MAD1L1: variants seen among roughly 807,000 people sequenced by gnomAD.
The protein encoded by MAD1L1 is mitotic spindle assembly checkpoint protein MAD1.
A neutral mutation model predicts 96.9 loss-of-function variants in MAD1L1; 95 were observed. The ratio of observed to expected loss-of-function variants is 0.98; its 90% confidence interval spans 0.83 to 1.16. The LOEUF is 1.16. MAD1L1 is among the 50% of genes most tolerant of loss of function. The pLI is 0.00. For synonymous variants in MAD1L1, 473 were observed against 396.6 expected, an observed-to-expected ratio of 1.19 and a Z score of -2.29; for missense variants, 1,007 against 954.4, an observed-to-expected ratio of 1.06 and a Z score of -0.73.
At chr7:2,037,520 C>T (rs1018378443) in intron 12 of MAD1L1, among the ~76,000 whole-genome samples, 1 of 152,218 alleles carries the variant, frequency 6.6e-6, no homozygotes, top group African/African-American at 2.4e-5. Context: ...GACATTGTAT[C>T]ACTATTATAT....
At chr7:2,060,151 A>G (rs574104816) in intron 12 of MAD1L1, among the ~76,000 whole-genome samples, 1 of 151,186 alleles carries the variant, frequency 6.6e-6, no homozygotes, top group South Asian at 2.1e-4. Flanking sequence ...AGATGCCAAG[A>G]TACGCCGAAG....
intron 16 of MAD1L1, 65 bp downstream of exon 16, chr7:1,957,564 T>C: frequency 1.3e-6 from 2 of 1,529,036 alleles, no homozygotes; most frequent in Admixed American, 3.5e-5. Context: ...ACCACGGTCG[T>C]TCACGACGCC....
At chr7:1,837,046 G>A (rs1562440546) in intron 18 of MAD1L1, among the ~76,000 whole-genome samples, 1 of 152,154 alleles carries the variant, frequency 6.6e-6, no homozygotes, top group African/African-American at 2.4e-5. Context: ...TATATAAGGA[G>A]AGAACACCAG....
chr7:2,137,925 C>T (rs988655944), intron 11 of MAD1L1, among the ~76,000 whole-genome samples: 4 of 152,166 alleles, frequency 2.6e-5, no homozygotes, highest in Non-Finnish European at 5.9e-5. Context: ...GTTTCTGTGC[C>T]GACGGTGCCA....
intron 12 of MAD1L1, among the ~76,000 whole-genome samples, chr7:2,037,496 C>T (rs527938785): frequency 1.6e-4 from 24 of 152,342 alleles, no homozygotes; most frequent in African/African-American, 5.8e-4. Flanking sequence ...TCTGGTAATC[C>T]TCATGGCGTT....
intron 11 of MAD1L1, among the ~76,000 whole-genome samples, chr7:2,124,673 G>C (rs977306628): frequency 2.0e-5 from 3 of 152,190 alleles, no homozygotes; most frequent in South Asian, 4.1e-4. Flanking sequence ...GGGCAGACCT[G>C]CTGGGTTCTC....
At chr7:2,106,168 T>C (rs1218961636) in intron 11 of MAD1L1, among the ~76,000 whole-genome samples, 1 of 146,874 alleles carries the variant, frequency 6.8e-6, no homozygotes, top group Non-Finnish European at 1.5e-5. Flanking sequence ...CCTTGCCCCA[T>C]TACGCCTAGG....
In MAD1L1 at chr7:1,816,114, T is replaced by G; in HGVS notation, c.2113A>C (p.Ser705Arg). 2 of 1,612,726 alleles carry G rather than the reference T, an allele frequency of 1.2e-6. No individual in the cohort carries two copies. The highest frequency in any genetic ancestry group is 2.2e-5 in the South Asian group (2 of 91,028). Residue 705 changes from serine to arginine, a missense_variant, in exon 19 of 19, where the codon AGC becomes CGC. Ser to Arg is a moderately radical substitution (Grantham distance 110). Transcript: ENST00000265854. ...CTGAAGAGCTCGAGGGTGAGCGAGC[T>G]GAGGAAGGCAGGGATGCTGTCCTGG... The part of the protein sequence containing the change: ...RRQDSIPAFL[S>R]SLTLELFSRQ...
chr7:2,201,365 G>C (rs1792287048), intron 10 of MAD1L1, among the ~76,000 whole-genome samples: 1 of 152,048 alleles, frequency 6.6e-6, no homozygotes. Flanking sequence ...TTCCACGCCA[G>C]GGCACCCCCT....
chr7:2,072,420 C>T (rs1413960304), intron 11 of MAD1L1, among the ~76,000 whole-genome samples: 3 of 152,230 alleles, frequency 2.0e-5, no homozygotes, highest in Non-Finnish European at 2.9e-5. Context: ...AGCGGCCCCC[C>T]TGCCCCCTCC....
chr7:1,962,758 G>A (rs1422432960), intron 15 of MAD1L1, among the ~76,000 whole-genome samples: 1 of 152,106 alleles, frequency 6.6e-6, no homozygotes, highest in African/African-American at 2.4e-5. Context: ...AGACATGACT[G>A]CCAACCTATT....
chr7:2,232,684 G>A (rs1412697157), intron 1 of MAD1L1, among the ~76,000 whole-genome samples, 188 bp downstream of exon 1: 4 of 152,164 alleles, frequency 2.6e-5, no homozygotes, highest in African/African-American at 4.8e-5. Flanking sequence ...GGAGAGGAGG[G>A]GAGAGCACAG....
At chr7:2,074,878 G>C (rs1785301701) in intron 11 of MAD1L1, among the ~76,000 whole-genome samples, 1 of 152,240 alleles carries the variant, frequency 6.6e-6, no homozygotes, top group African/African-American at 2.4e-5. Flanking sequence ...AGCCTGTGGT[G>C]TCAGAGACAG....
chr7:1,895,638 G>A (rs1329857248), intron 18 of MAD1L1, among the ~76,000 whole-genome samples: 1 of 152,228 alleles, frequency 6.6e-6, no homozygotes, highest in Non-Finnish European at 1.5e-5. Flanking sequence ...CCCGGAACAC[G>A]GCCCAGAGCA....
Position 1,968,772 on chromosome 7 carries a change from G to C in MAD1L1, c.1506-11053C>G, listed in dbSNP as rs535002336. ...GAAACACATCACACAAGCTCGCTTC[G>C]GGGGCGTTCTAGGGACTCCTAAACA... On this transcript the variant is annotated intron_variant, in intron 15 of 18. Transcript: ENST00000265854. The surrounding 1 kb of genome is among the most constrained non-coding windows in gnomAD (Gnocchi z 5.6). Among the ~76,000 whole-genome samples, 1 of 152,218 alleles carries C rather than the reference G, an allele frequency of 6.6e-6. No individual in the cohort carries two copies. Among genetic ancestry groups the C allele is most frequent in the African/African-American group, 2.4e-5 (1 of 41,458 alleles).
chr7:2,165,102 G>T (rs1334599219), intron 10 of MAD1L1, among the ~76,000 whole-genome samples: 1 of 152,128 alleles, frequency 6.6e-6, no homozygotes, highest in Non-Finnish European at 1.5e-5. Context: ...TATTCTGGAG[G>T]TTGAGGCAGG....
intron 11 of MAD1L1, among the ~76,000 whole-genome samples, chr7:2,110,046 C>T (rs1405916758): frequency 6.6e-6 from 1 of 152,268 alleles, no homozygotes; most frequent in Non-Finnish European, 1.5e-5. Flanking sequence ...CCACGCCTTT[C>T]CAGTCCAGGA....
intron 12 of MAD1L1, among the ~76,000 whole-genome samples, chr7:2,060,047 ATACACCGATGCCGAGG>A (rs1167777265): frequency 6.6e-6 from 1 of 152,140 alleles, no homozygotes; most frequent in Non-Finnish European, 1.5e-5. Flanking sequence ...CGATGCCGAG[ATACACCGATGCCGAGG>A]TATCAAGATA....
At chr7:2,050,348 G>GAATC (rs1784115945) in intron 12 of MAD1L1, among the ~76,000 whole-genome samples, 1 of 152,222 alleles carries the variant, frequency 6.6e-6, no homozygotes, top group Non-Finnish European at 1.5e-5. Flanking sequence ...TGGAAGCAGG[G>GAATC]AATCCCCTAG....
Sources: allele counts gnomAD v4.1 joint callset (sites outside exome capture counted in the v4.1 genomes callset), GRCh38; gene constraint gnomAD v4.1.1; non-coding constraint Gnocchi (gnomAD v3.1); transcripts MANE v1.5; gene names NCBI Gene and HGNC (gene_info 2026-07-23, HGNC 2026-07-21).